NFIA: variants seen among roughly 807,000 people sequenced by gnomAD.
The protein encoded by NFIA is nuclear factor I A, also known as nuclear factor 1 A-type.
NFIA carries 8 observed loss-of-function variants against 62.8 expected under a neutral mutation model. That is an observed-to-expected ratio of 0.13 (90% CI 0.07 to 0.23). The LOEUF is 0.23. NFIA is among the 10% of genes least tolerant of loss of function. The pLI is 1.00. For synonymous variants in NFIA, 235 were observed against 238.1 expected (o/e 0.99, Z 0.12); for missense variants, 410 against 642.1 (o/e 0.64, Z 3.91).
chr1:61,333,119 G>GT (rs1661399513), intron 4 of NFIA, among the ~76,000 whole-genome samples: 1 of 151,302 alleles, frequency 6.6e-6, no homozygotes, highest in Admixed American at 6.6e-5. Context: ...TTAGGAATCT[G>GT]TTTTTTCTTA....
At chr1:61,186,531 A>G (rs954638201) in intron 2 of NFIA, among the ~76,000 whole-genome samples, 3 of 152,180 alleles carry the variant, frequency 2.0e-5, no homozygotes, top group African/African-American at 7.2e-5. Context: ...TAAATAGGTA[A>G]GTTACCTACC....
chr1:61,273,911 T>C (rs1465996478), intron 2 of NFIA, among the ~76,000 whole-genome samples: 1 of 152,210 alleles, frequency 6.6e-6, no homozygotes, highest in Non-Finnish European at 1.5e-5. Context: ...CTCACTCATT[T>C]TACCATACTA....
chr1:61,379,608 A>G (rs1178526225), intron 6 of NFIA, among the ~76,000 whole-genome samples: 2 of 150,914 alleles, frequency 1.3e-5, no homozygotes, highest in East Asian at 1.9e-4. Flanking sequence ...CGGTTTCACC[A>G]TGTTGGCCAG....
At chr1:61,369,165 A>G (rs1663756240) in intron 6 of NFIA, among the ~76,000 whole-genome samples, 1 of 152,180 alleles carries the variant, frequency 6.6e-6, no homozygotes, top group African/African-American at 2.4e-5. Flanking sequence ...CTCCATCTCT[A>G]AGAAGCTTCT....
At chr1:61,331,999 G>T (rs1392645917) in intron 3 of NFIA, among the ~76,000 whole-genome samples, 1 of 152,086 alleles carries the variant, frequency 6.6e-6, no homozygotes, top group African/African-American at 2.4e-5. Flanking sequence ...GTGAGTTGGG[G>T]CTTGCTTTTT....
At chr1:61,340,021 A>C (rs1194997608) in intron 4 of NFIA, among the ~76,000 whole-genome samples, 1 of 152,232 alleles carries the variant, frequency 6.6e-6, no homozygotes. Context: ...ACTGCTCTGC[A>C]TGAAGGTCTA....
At chr1:61,368,847 T>G (rs1402677189) in intron 6 of NFIA, among the ~76,000 whole-genome samples, 1 of 152,210 alleles carries the variant, frequency 6.6e-6, no homozygotes, top group Non-Finnish European at 1.5e-5. Flanking sequence ...ATCTATTATA[T>G]GCAAAGCACT....
At chr1:61,369,695 A>G (rs751801535) in intron 6 of NFIA, among the ~76,000 whole-genome samples, 71 of 152,224 alleles carry the variant, frequency 4.7e-4, no homozygotes, top group Non-Finnish European at 9.6e-4. Context: ...AATTTTAAAT[A>G]TATAAGCGTT....
In NFIA at chr1:61,458,882, T is replaced by G. The variant is rs941417700; in HGVS notation, c.*3562T>G. The G allele has an allele frequency of 2.6e-5, 4 of 152,156 alleles. No individual in the cohort carries two copies. The East Asian group carries it at 7.7e-4, about 29-fold the overall frequency. The allele number at this position is 152,156 out of a possible 1,614,324, so 9.4% of individuals were successfully genotyped here. On this transcript the variant is annotated 3_prime_UTR_variant, in exon 11 of 11. Transcript: ENST00000403491. Reference sequence around the variant, plus strand: ...TAAAATTAGGGAACTCTGAACAGATTTGCAGGAAAAAATGTTTTAAAGGCT... The same window carrying G: ...TAAAATTAGGGAACTCTGAACAGATGTGCAGGAAAAAATGTTTTAAAGGCT...
intron 2 of NFIA, among the ~76,000 whole-genome samples, chr1:61,141,767 T>C (rs897703488): frequency 1.3e-5 from 2 of 152,230 alleles, no homozygotes; most frequent in African/African-American, 2.4e-5. Flanking sequence ...ACAGCGATCA[T>C]GCTCAGGAGA....
chr1:61,086,904 C>CA (rs1646228522), intron 1 of NFIA, among the ~76,000 whole-genome samples: 1 of 151,986 alleles, frequency 6.6e-6, no homozygotes. Flanking sequence ...CACCATTTAG[C>CA]AAAAAAGCCA....
chr1:61,393,850 G>A (rs998002766), intron 7 of NFIA, among the ~76,000 whole-genome samples: 1 of 152,230 alleles, frequency 6.6e-6, no homozygotes, highest in African/African-American at 2.4e-5. Context: ...CCTGCAGTTA[G>A]TGTTTGCAGA....
chr1:61,246,894 T>A (rs1330632248), intron 2 of NFIA, among the ~76,000 whole-genome samples: 1 of 152,196 alleles, frequency 6.6e-6, no homozygotes, highest in Admixed American at 6.5e-5. Context: ...CTAAGCATTG[T>A]ATGACTTTTT....
chr1:61,326,658 T>G (rs1270498748), intron 3 of NFIA, among the ~76,000 whole-genome samples: 1 of 152,050 alleles, frequency 6.6e-6, no homozygotes, highest in African/African-American at 2.4e-5. Context: ...GTACGGCAGG[T>G]CCCAGGTGAG....
intron 3 of NFIA, among the ~76,000 whole-genome samples, chr1:61,328,530 C>G (rs1327100826): frequency 1.3e-5 from 2 of 152,010 alleles, no homozygotes; most frequent in African/African-American, 4.8e-5. Context: ...AAGTGATTCT[C>G]CTGCCTCAGC....
intron 2 of NFIA, among the ~76,000 whole-genome samples, chr1:61,159,219 G>A (rs1649010855): frequency 6.6e-6 from 1 of 152,054 alleles, no homozygotes; most frequent in African/African-American, 2.4e-5. Context: ...TTTACCTGGT[G>A]AGAGTTAACT....
At chr1:61,113,719 T>C (rs2100457496) in intron 2 of NFIA, among the ~76,000 whole-genome samples, 1 of 149,806 alleles carries the variant, frequency 6.7e-6, no homozygotes, top group African/African-American at 2.5e-5. Context: ...TGAAGGATTG[T>C]TTGGAAATGA....
intron 4 of NFIA, among the ~76,000 whole-genome samples, chr1:61,340,112 C>T (rs907478981): frequency 6.6e-6 from 1 of 152,102 alleles, no homozygotes; most frequent in Non-Finnish European, 1.5e-5. Flanking sequence ...AATTTGGGGC[C>T]GTTTTGATCT....
intron 2 of NFIA, among the ~76,000 whole-genome samples, chr1:61,197,648 TTATTA>T (rs1187141394): frequency 2.0e-5 from 3 of 152,250 alleles, no homozygotes; most frequent in Admixed American, 2.0e-4. Context: ...AGAAACCTTG[TTATTA>T]TTCAAGTTAC....
Sources: allele counts gnomAD v4.1 joint callset (sites outside exome capture counted in the v4.1 genomes callset), GRCh38; gene constraint gnomAD v4.1.1; transcripts MANE v1.5; gene names NCBI Gene and HGNC (gene_info 2026-07-23, HGNC 2026-07-21).